The following FMN1 variants were observed in gnomAD, a reference collection of about 807,000 sequenced individuals.
FMN1 encodes formin-1.
A neutral mutation model predicts 132.4 loss-of-function variants in FMN1; 110 were observed. The observed-to-expected ratio is 0.83, with a 90% CI of 0.71 to 0.97. The LOEUF is 0.97. Among genes scored for constraint, FMN1 ranks in the 50% least tolerant of loss-of-function variants. The probability of loss-of-function intolerance (pLI) is 0.00; values close to 1 mark genes in which losing one functional copy is unlikely to be tolerated. For synonymous variants in FMN1, 722 were observed against 651.7 expected, an observed-to-expected ratio of 1.11 and a Z score of -1.64; for missense variants, 1,792 against 1,705.3, an observed-to-expected ratio of 1.05 and a Z score of -0.90.
rs956329054 is a variant in FMN1 at position 32,981,119 on chromosome 15, CA to C, written c.2224-11643del. Among the ~76,000 whole-genome samples, 89 of 151,484 alleles carry C rather than the reference CA, an allele frequency of 5.9e-4. 1 individual carries two copies. Among genetic ancestry groups the C allele is most frequent in the African/African-American group, 2.1e-3 (86 of 41,400 alleles). ...GGGATTTTAAAAGGAAATTTTTTTT[CA>C]AAAAATGTTTCCATTTGTAACTATT... is the stretch of plus-strand genomic sequence containing the variant. On this transcript the variant is annotated intron_variant, in intron 7 of 20. Transcript: ENST00000616417.
rs1365288576 is a variant in FMN1, at chr15:32,770,836, CTT to C, written c.*3472_*3473del. The stretch of plus-strand genomic sequence containing the variant: ...TTCCACTTCTCAGATTTCAGAAAAT[CTT>C]TATAATTCCTGAGTAGTTGCAGTGA... On this transcript the variant is annotated 3_prime_UTR_variant, in exon 21 of 21. Transcript: ENST00000616417. 4.1e-5 allele frequency: 5 copies of C among 121,734 alleles called. No individual in the cohort carries two copies. The highest frequency in any genetic ancestry group is 2.8e-4 in the Admixed American group (3 of 10,798). 7.5% of individuals were successfully genotyped at this position (121,734 alleles called of 1,614,324 possible).
At chr15:33,113,463 T>C (rs1245966913) in intron 4 of FMN1, among the ~76,000 whole-genome samples, 1 of 152,206 alleles carries the variant, frequency 6.6e-6, no homozygotes, top group African/African-American at 2.4e-5. Context: ...GTAACATAGA[T>C]GTGAACATAG....
At chr15:32,823,222 C>T (rs1384340379) in intron 17 of FMN1, among the ~76,000 whole-genome samples, 2 of 134,076 alleles carry the variant, frequency 1.5e-5, no homozygotes, top group Non-Finnish European at 3.1e-5. Flanking sequence ...AGTGCAGTGG[C>T]TCAATCTCGG....
rs527380771 is a variant in FMN1, at chr15:32,888,054, T to G, written c.3835+118A>C. ...GGAAAGTTTCCTGAAAGCTGTAGTG[T>G]ACCATTGCTGAACTCTGCACCAATC... On this transcript the variant is annotated intron_variant, in intron 16 of 20. Coordinates refer to ENST00000616417, the MANE Select transcript of FMN1 (RefSeq NM_001277313.2). 2.6e-5 allele frequency: 20 copies of G among 765,428 alleles called. No homozygotes were observed. In the South Asian group the frequency reaches 4.5e-4, roughly 17 times the overall value. 47.4% of individuals were successfully genotyped at this position (765,428 alleles called of 1,614,324 possible). A position where few individuals can be genotyped will look rare whatever the true frequency, so the allele number is the denominator to read the frequency against.
At chr15:33,178,048 AG>A (rs1309263989) in intron 3 of FMN1, among the ~76,000 whole-genome samples, 5 of 152,178 alleles carry the variant, frequency 3.3e-5, no homozygotes, top group Non-Finnish European at 7.3e-5. Context: ...GGGTACGGGC[AG>A]GAAGAAGCCA....
chr15:32,828,008 C>T (rs923988647), intron 17 of FMN1, among the ~76,000 whole-genome samples: 3 of 150,742 alleles, frequency 2.0e-5, no homozygotes, highest in African/African-American at 7.3e-5. Context: ...GGAATCGGAC[C>T]CAGGCTGGGT....
intron 9 of FMN1, among the ~76,000 whole-genome samples, chr15:32,963,596 T>C (rs1000560905): frequency 7.2e-5 from 11 of 152,202 alleles, no homozygotes; most frequent in African/African-American, 1.9e-4. Context: ...GTTACCATAC[T>C]GGATACTGCA....
intron 3 of FMN1, among the ~76,000 whole-genome samples, chr15:33,168,289 A>G (rs1965186496): frequency 1.3e-5 from 2 of 152,236 alleles, no homozygotes; most frequent in South Asian, 2.1e-4. Flanking sequence ...GGCCTCTAAT[A>G]TAAGGATTAT....
intron 4 of FMN1, among the ~76,000 whole-genome samples, chr15:33,122,722 G>A (rs1403750419): frequency 6.6e-6 from 1 of 152,158 alleles, no homozygotes; most frequent in Admixed American, 6.5e-5. Context: ...CTCCAGGTTT[G>A]CTCCTTCAAA....
intron 7 of FMN1, among the ~76,000 whole-genome samples, chr15:33,002,049 G>A (rs1596446636): frequency 6.6e-6 from 1 of 152,076 alleles, no homozygotes; most frequent in Non-Finnish European, 1.5e-5. Context: ...AAAACAAAAT[G>A]GAAAGTTCTC....
At chr15:33,112,606 G>A (rs2039753126) in intron 4 of FMN1, among the ~76,000 whole-genome samples, 2 of 152,116 alleles carry the variant, frequency 1.3e-5, no homozygotes, top group African/African-American at 4.8e-5. Flanking sequence ...GATATTAGAG[G>A]CAAGAAGGTG....
intron 9 of FMN1, among the ~76,000 whole-genome samples, chr15:32,961,051 T>TA (rs1247216072): frequency 7.1e-6 from 1 of 139,908 alleles, no homozygotes; most frequent in African/African-American, 2.7e-5. Flanking sequence ...CAATATTACA[T>TA]ACTTTTCAAA....
intron 4 of FMN1, chr15:33,149,726 A>G (rs1964369630): frequency 2.7e-5 from 25 of 925,816 alleles, no homozygotes; most frequent in Non-Finnish European, 3.2e-5. Flanking sequence ...TTTTCTTTGT[A>G]CTACATACTT....
intron 12 of FMN1, among the ~76,000 whole-genome samples, chr15:32,907,975 T>G (rs1206437973): frequency 6.6e-6 from 1 of 151,982 alleles, no homozygotes; most frequent in South Asian, 2.1e-4. Flanking sequence ...CCATAGATAG[T>G]GACTGGAGAG....
At chr15:33,018,274 C>G (rs1426876634) in intron 6 of FMN1, among the ~76,000 whole-genome samples, 1 of 151,706 alleles carries the variant, frequency 6.6e-6, no homozygotes, top group Admixed American at 6.6e-5. Context: ...AAAGTGATGT[C>G]TTTTTTTTAA....
At chr15:33,041,740 C>T (rs368650051) in intron 6 of FMN1, among the ~76,000 whole-genome samples, 3 of 151,542 alleles carry the variant, frequency 2.0e-5, no homozygotes, top group Non-Finnish European at 4.4e-5. Flanking sequence ...AAAATTAGAA[C>T]CCTTGTGCAT....
At chr15:33,034,500 C>T (rs2141084841) in intron 6 of FMN1, among the ~76,000 whole-genome samples, 1 of 152,218 alleles carries the variant, frequency 6.6e-6, no homozygotes, top group Non-Finnish European at 1.5e-5. Context: ...CTGCTTGAGC[C>T]CAGCAGGCCT....
chr15:33,106,013 C>T (rs1200439617), intron 4 of FMN1: 1 of 152,008 alleles, frequency 6.6e-6, no homozygotes, highest in African/African-American at 2.4e-5. Context: ...GGCTGTCCAT[C>T]CCATGATTGT....
intron 6 of FMN1, among the ~76,000 whole-genome samples, chr15:33,061,956 A>G (rs550448302): frequency 4.6e-5 from 7 of 152,192 alleles, no homozygotes; most frequent in Non-Finnish European, 1.0e-4. Flanking sequence ...AACTTAGATC[A>G]GAGAAAGTCT....
Sources: allele counts gnomAD v4.1 joint callset (sites outside exome capture counted in the v4.1 genomes callset), GRCh38; gene constraint gnomAD v4.1.1; transcripts MANE v1.5; gene names NCBI Gene and HGNC (gene_info 2026-07-23, HGNC 2026-07-21).